Variants in MIDEAS observed in about 807,000 individuals in gnomAD.
MIDEAS encodes mitotic deacetylase associated SANT domain protein.
A neutral mutation model predicts 102.7 loss-of-function variants in MIDEAS; 26 were observed. The ratio of observed to expected loss-of-function variants is 0.25; its 90% CI spans 0.19 to 0.35. The LOEUF is 0.35. Ranked by LOEUF, MIDEAS falls within the 10% of genes least tolerant of loss-of-function variation. MIDEAS has a pLI of 1.00. For synonymous variants in MIDEAS, 585 were observed against 591.0 expected, an observed-to-expected ratio of 0.99 and a Z score of 0.15; for missense variants, 1,231 against 1,435.6, an observed-to-expected ratio of 0.86 and a Z score of 2.30.
At chr14:73,726,291 A>T (rs2336074) in intron 7 of MIDEAS, among the ~76,000 whole-genome samples, 183 bp from the exon 8 acceptor site, 1 of 151,966 alleles carries the variant, frequency 6.6e-6, no homozygotes, top group Non-Finnish European at 1.5e-5. Flanking sequence ...CAGAAAACAG[A>T]CCTCAGGTCC....
Position 73,739,835 on chromosome 14 carries a change from G to A in MIDEAS, c.174C>T (p.Thr58=). The A allele has an allele frequency of 6.2e-7, 1 of 1,608,462 alleles. No individual in the cohort carries two copies. Among genetic ancestry groups the A allele is most frequent in the African/African-American group, 1.3e-5 (1 of 74,944 alleles). The change falls in exon 2 of 13, where the codon ACC becomes ACT. Residue 58 remains threonine (T), a synonymous_variant. Transcript: ENST00000423556. The part of the protein sequence containing the change: ...GHEGPGGAVS[T]SQPVELPPPS... ...GAGGGGGCAGTTCCACAGGCTGAGA[G>A]GTGGAGACTGCCCCTCCTGGACCCT...
At chr14:73,752,051 AG>A (rs1313293936) in intron 1 of MIDEAS, among the ~76,000 whole-genome samples, 1 of 151,892 alleles carries the variant, frequency 6.6e-6, no homozygotes, top group Admixed American at 6.6e-5. Flanking sequence ...ACTGAGCATT[AG>A]CCCCCAGCCA....
In MIDEAS at chr14:73,719,491, A is replaced by G. The variant is rs749840465; in HGVS notation, c.2948T>C (p.Ile983Thr). ...GGACTCGTGGCTCCGGAGGATGAGG[A>G]TGTCACTGGCCTGAAGAAAATCAAA... ...TLQANESASD[I>T]LILRSHESNA... Residue 983 changes from isoleucine to threonine, a missense_variant, in exon 12 of 13, where the codon ATC (isoleucine) becomes ACC (threonine). Physicochemically the swap from Ile to Thr is moderately conservative, Grantham distance 89. Transcript: ENST00000423556. 6.2e-7 allele frequency: 1 copy of G among 1,613,552 alleles called. No homozygotes were observed. The highest frequency in any genetic ancestry group is 1.7e-5 in the Admixed American group (1 of 59,984).
In MIDEAS at chr14:73,717,112, T is replaced by C. The variant is rs904670335; in HGVS notation, c.*1731A>G. 2.6e-5 allele frequency: 4 copies of C among 152,164 alleles called. No homozygotes were observed. The highest frequency in any genetic ancestry group is 5.9e-5 in the Non-Finnish European group (4 of 68,036). 9.4% of individuals were successfully genotyped at this position (152,164 alleles called of 1,614,324 possible). A position where few individuals can be genotyped will look rare whatever the true frequency, so the allele number is the denominator to read the frequency against. Reference sequence around the variant, plus strand: ...TAATGTACAAATGGATGCTGAAAAATACCTGCATAGTTTCAAAACAAAACT... The same window carrying C: ...TAATGTACAAATGGATGCTGAAAAACACCTGCATAGTTTCAAAACAAAACT... On this transcript the variant is annotated 3_prime_UTR_variant, in exon 13 of 13. Coordinates refer to ENST00000423556, the MANE Select transcript of MIDEAS (RefSeq NM_001367710.1).
intron 1 of MIDEAS, among the ~76,000 whole-genome samples, chr14:73,750,607 C>A (rs1330433949): frequency 6.6e-6 from 1 of 152,160 alleles, no homozygotes; most frequent in Admixed American, 6.5e-5. Context: ...GCCTCCATGC[C>A]ACATGGAGAA....
intron 1 of MIDEAS, among the ~76,000 whole-genome samples, chr14:73,782,563 C>T (rs897279835): frequency 4.6e-5 from 7 of 152,196 alleles, no homozygotes; most frequent in Non-Finnish European, 1.0e-4. Flanking sequence ...CTTCTAGGCT[C>T]AAGTGATCCT....
intron 3 of MIDEAS, among the ~76,000 whole-genome samples, chr14:73,736,108 G>A (rs541436090): frequency 2.6e-5 from 4 of 152,054 alleles, no homozygotes; most frequent in South Asian, 2.1e-4. Flanking sequence ...CTGAGATCTC[G>A]CCATTGCACT....
At chr14:73,769,117 C>G (rs551963436) in intron 1 of MIDEAS, among the ~76,000 whole-genome samples, 1 of 152,230 alleles carries the variant, frequency 6.6e-6, no homozygotes, top group Non-Finnish European at 1.5e-5. Flanking sequence ...GGGTCTCCCT[C>G]GCATCTACCT....
At chr14:73,749,058 C>T (rs151304243) in intron 1 of MIDEAS, among the ~76,000 whole-genome samples, 1 of 151,992 alleles carries the variant, frequency 6.6e-6, no homozygotes, top group African/African-American at 2.4e-5. Flanking sequence ...CTTTCAACAA[C>T]GAACAGTACG....
intron 1 of MIDEAS, among the ~76,000 whole-genome samples, chr14:73,786,896 G>A (rs1266433060): frequency 2.0e-5 from 3 of 150,314 alleles, no homozygotes; most frequent in African/African-American, 7.4e-5. Context: ...TTGAAGTCCC[G>A]CGGCAAAGCG....
At chr14:73,737,571 A>G (rs2053219187) in intron 2 of MIDEAS, among the ~76,000 whole-genome samples, 1 of 152,064 alleles carries the variant, frequency 6.6e-6, no homozygotes, top group South Asian at 2.1e-4. Flanking sequence ...GGCTGCGGTG[A>G]GCCGAGATCG....
exon 1 of MIDEAS, chr14:73,787,202 CTT>C (rs906458290): frequency 1.3e-5 from 2 of 149,076 alleles, no homozygotes; most frequent in Non-Finnish European, 3.0e-5. Flanking sequence ...GCAGTCGTCA[CTT>C]CCTCGCGGAG....
rs766293679 is a variant in MIDEAS, at chr14:73,730,001, A to C, written c.1750-16T>G. ...TGTCCTCTGCCTGGAGAAGGAAAGA[A>C]AACAAGGACGGCTCAGCCCCCCGTG... On this transcript the variant is annotated splice_polypyrimidine_tract_variant and intron_variant, in intron 3 of 12. Coordinates refer to ENST00000423556, the MANE Select transcript of MIDEAS (RefSeq NM_001367710.1). 58 of 1,603,758 alleles carry C rather than the reference A, an allele frequency of 3.6e-5. No individual in the cohort carries two copies. The highest frequency in any genetic ancestry group is 4.9e-5 in the Non-Finnish European group (58 of 1,173,212).
At chr14:73,766,046 C>T (rs1274416021) in intron 1 of MIDEAS, among the ~76,000 whole-genome samples, 1 of 152,232 alleles carries the variant, frequency 6.6e-6, no homozygotes, top group East Asian at 1.9e-4. Flanking sequence ...TACCCTGCTT[C>T]CCTTCCTCCC....
rs530590844 is a variant in MIDEAS at position 73,759,994 on chromosome 14, C to A, written c.-479G>T. The A allele has an allele frequency of 6.6e-6, 1 of 151,986 alleles. No homozygotes were observed. The allele number at this position is 151,986 out of a possible 1,614,324, so 9.4% of individuals were successfully genotyped here. A position where few individuals can be genotyped will look rare whatever the true frequency, so the allele number is the denominator to read the frequency against. ...GCGGGACGCGCGGGCTGTCACCCCC[C>A]GCTTGCGATGCAGGAGCCTCGGCGC... On this transcript the variant is annotated 5_prime_UTR_variant, in exon 1 of 13. Transcript: ENST00000423556. This position sits in a 1 kb window ranked among gnomAD's most constrained non-coding sequence, Gnocchi z 6.7.
chr14:73,772,596 T>C (rs1275356116), intron 1 of MIDEAS, among the ~76,000 whole-genome samples: 3 of 152,170 alleles, frequency 2.0e-5, no homozygotes, highest in African/African-American at 4.8e-5. Context: ...TGTTTTTTTT[T>C]CTTTTCTATT....
chr14:73,764,655 CCA>C (rs2053580074), upstream of MIDEAS, among the ~76,000 whole-genome samples: 1 of 152,222 alleles, frequency 6.6e-6, no homozygotes, highest in Non-Finnish European at 1.5e-5. Context: ...CACAACCACC[CCA>C]GTCATGAAGT....
chr14:73,781,734 C>T (rs545210408), intron 1 of MIDEAS, among the ~76,000 whole-genome samples: 1 of 73,590 alleles, frequency 1.4e-5, no homozygotes, highest in Non-Finnish European at 2.4e-5. Flanking sequence ...AACTCTGTCT[C>T]AAAAAAAAAA....
At position 73,718,993 on chromosome 14, in the gene MIDEAS, C is replaced by T; in HGVS notation, c.3150G>A (p.Val1050=). ...CKKCGRVFYK[V]KSRSAHMKSH... Reference sequence around the variant, plus strand: ...TCTTCATATGCGCACTGCGGCTCTTCACCTTGTAAAACACCCTGCAGCCGG... The same window carrying T: ...TCTTCATATGCGCACTGCGGCTCTTTACCTTGTAAAACACCCTGCAGCCGG... The change falls in exon 13 of 13, where the codon GTG becomes GTA. Residue 1050 remains valine (V), a synonymous_variant. Transcript: ENST00000423556. 1.3e-6 allele frequency: 2 copies of T among 1,494,094 alleles called. No individual in the cohort carries two copies. Among genetic ancestry groups the T allele is most frequent in the Non-Finnish European group, 1.8e-6 (2 of 1,129,364 alleles). 92.6% of individuals were successfully genotyped at this position (1,494,094 alleles called of 1,614,324 possible). A position where few individuals can be genotyped will look rare whatever the true frequency, so the allele number is the denominator to read the frequency against.
Sources: gnomAD v4.1 joint callset for allele counts (sites outside exome capture counted in the v4.1 genomes callset) on GRCh38, gnomAD v4.1.1 for gene constraint, Gnocchi (gnomAD v3.1) non-coding constraint, MANE v1.5 for transcripts, NCBI Gene and HGNC (gene_info 2026-07-23, HGNC 2026-07-21) for gene names.